The following MED19 variants were observed in gnomAD, a reference collection of about 807,000 sequenced individuals.
MED19 encodes the protein mediator of RNA polymerase II transcription subunit 19.
A neutral mutation model predicts 19.9 loss-of-function variants in MED19; 4 were observed. The observed-to-expected ratio is 0.20, with a 90% CI of 0.10 to 0.46. The LOEUF (loss-of-function observed/expected upper bound fraction) is 0.46, where lower values mean the gene tolerates loss of function less well. MED19 is among the 20% of genes least tolerant of loss of function. The pLI is 0.99. For missense variants in MED19, 303 were observed against 318.7 expected (o/e 0.95, Z 0.38); for synonymous variants, 139 against 119.6 (o/e 1.16, Z -1.06).
intron 1 of MED19, among the ~76,000 whole-genome samples, chr11:57,706,606 A>G (rs1245361648): frequency 1.3e-5 from 2 of 151,770 alleles, no homozygotes; most frequent in Admixed American, 1.3e-4. Flanking sequence ...CCCTGTCTCT[A>G]CTAAAAATAC....
intron 1 of MED19, among the ~76,000 whole-genome samples, chr11:57,708,992 T>C (rs1043479320): frequency 6.6e-6 from 1 of 152,246 alleles, no homozygotes; most frequent in Non-Finnish European, 1.5e-5. Flanking sequence ...TATTAAATAC[T>C]GCATGTAAGT....
At chr11:57,710,585 C>G (rs1479529217) in intron 1 of MED19, among the ~76,000 whole-genome samples, 1 of 152,208 alleles carries the variant, frequency 6.6e-6, no homozygotes, top group African/African-American at 2.4e-5. Context: ...ACAATTGTCT[C>G]TCCCTCCTGT....
chr11:57,703,951 C>T lies in MED19; in HGVS notation c.*87G>A. The stretch of plus-strand genomic sequence containing the variant: ...TCCCAGCTGCAGGATGCTCCCAAGG[C>T]AGTGTCCAAGAGCCTGGAAGGCAGC... On this transcript the variant is annotated 3_prime_UTR_variant, in exon 5 of 5. Coordinates refer to ENST00000431606, the Ensembl canonical transcript of MED19. 5 of 1,506,138 alleles carry T rather than the reference C, an allele frequency of 3.3e-6. 1 individual carries two copies. In the South Asian group the frequency reaches 6.4e-5, roughly 19 times the overall value. The allele number at this position is 1,506,138 out of a possible 1,614,324, so 93.3% of individuals were successfully genotyped here.
exon 3 of MED19, chr11:57,704,748 T>A: frequency 6.2e-7 from 1 of 1,603,682 alleles, no homozygotes; most frequent in Non-Finnish European, 8.5e-7. Flanking sequence ...GGTACGGCTC[T>A]GTTTGTGCTT....
intron 1 of MED19, 112 bp downstream of exon 1, chr11:57,711,851 C>G: frequency 8.3e-7 from 1 of 1,197,666 alleles, no homozygotes; most frequent in Non-Finnish European, 1.1e-6. Context: ...CTCCACAGTC[C>G]GGGTATGCGT....
At chr11:57,706,342 C>T (rs1476476556) in intron 1 of MED19, among the ~76,000 whole-genome samples, 1 of 152,050 alleles carries the variant, frequency 6.6e-6, no homozygotes, top group Admixed American at 6.6e-5. Context: ...AGGGGGTTCA[C>T]CATGTTGAGT....
At chr11:57,705,944 C>T (rs1421736493) in intron 1 of MED19, among the ~76,000 whole-genome samples, 1 of 151,646 alleles carries the variant, frequency 6.6e-6, no homozygotes, top group Non-Finnish European at 1.5e-5. Flanking sequence ...CAGCTACAAC[C>T]ATGCTCAGGG....
chr11:57,703,884 A>AT, exon 5 of MED19: 1 of 1,205,670 alleles, frequency 8.3e-7, no homozygotes, highest in Non-Finnish European at 1.1e-6. Flanking sequence ...CTCTCTCCTA[A>AT]TTTACTTAGT....
At chr11:57,705,531 G>A (rs1218388577) in intron 1 of MED19, among the ~76,000 whole-genome samples, 1 of 151,840 alleles carries the variant, frequency 6.6e-6, no homozygotes, top group Non-Finnish European at 1.5e-5. Flanking sequence ...GCACGTGCCT[G>A]TAGTCCCAAC....
chr11:57,711,964 T>G (rs777609685), exon 1 of MED19: 3 of 1,454,214 alleles, frequency 2.1e-6, no homozygotes, highest in African/African-American at 1.5e-5. Flanking sequence ...AGTACTCACC[T>G]GGCAGTTCCC....
exon 2 of MED19, chr11:57,705,167 T>G: frequency 6.2e-7 from 1 of 1,614,168 alleles, no homozygotes; most frequent in Non-Finnish European, 8.5e-7. Context: ...CAGAATTTAT[T>G]ATAGGCTTGT....
Position 57,711,944 on chromosome 11 carries a change from G to A in MED19, c.217+19C>T. The A allele has an allele frequency of 7.1e-7, 1 of 1,408,370 alleles. No individual in the cohort carries two copies. Among genetic ancestry groups the A allele is most frequent in the Non-Finnish European group, 9.3e-7 (1 of 1,074,316 alleles). The allele number at this position is 1,408,370 out of a possible 1,614,324, so 87.2% of individuals were successfully genotyped here. ...CTCTAAGATTTGATTGGCTGGCTTTGGCAAGGCCGAGTACTCACCTGGCAG... is the reference window on the plus strand; with the variant it reads ...CTCTAAGATTTGATTGGCTGGCTTTAGCAAGGCCGAGTACTCACCTGGCAG... On this transcript the variant is annotated intron_variant, in intron 1 of 4. Transcript: ENST00000431606.
chr11:57,704,921 C>CTTTT (rs1946489793), intron 2 of MED19, 52 bp downstream of exon 2: 1 of 1,603,508 alleles, frequency 6.2e-7, no homozygotes, highest in Non-Finnish European at 8.5e-7. Flanking sequence ...AGAGAAAAAC[C>CTTTT]ATCTCCATGT....
exon 1 of MED19, chr11:57,712,080 G>A (rs541012040): frequency 6.5e-7 from 1 of 1,530,692 alleles, no homozygotes; most frequent in East Asian, 2.5e-5. Context: ...CCCGCAGGAG[G>A]CGGTGGCGGG....
rs570300680 is a variant in MED19, at chr11:57,711,717, G to A, written c.217+246C>T. Among the ~76,000 whole-genome samples the A allele has an allele frequency of 6.6e-5, 10 of 152,258 alleles. No individual in the cohort carries two copies. In the East Asian group the frequency reaches 1.7e-3, roughly 27 times the overall value. Reference sequence around the variant, plus strand: ...GACACAGCCTGGACATGGTGCAAAAGACAGTAACGGAGATGCACTACGCCC... The same window carrying A: ...GACACAGCCTGGACATGGTGCAAAAAACAGTAACGGAGATGCACTACGCCC... On this transcript the variant is annotated intron_variant, in intron 1 of 4. Transcript: ENST00000431606.
At chr11:57,703,879 T>C (rs1946477241) in exon 5 of MED19, 1 of 1,143,886 alleles carries the variant, frequency 8.7e-7, no homozygotes, top group Non-Finnish European at 1.2e-6. Flanking sequence ...TCCCTCTCTC[T>C]CCTAATTTAC....
chr11:57,704,651 C>T lies in MED19; in HGVS notation c.571+68G>A. 2.6e-6 allele frequency: 4 copies of T among 1,536,504 alleles called. No homozygotes were observed. The South Asian group carries it at 3.5e-5, about 13-fold the overall frequency. On this transcript the variant is annotated intron_variant, in intron 3 of 4. Coordinates refer to ENST00000431606, the Ensembl canonical transcript of MED19. ...CTGGGTTTACCTATGGAAGTTCAAA[C>T]CAGATTCAGAAGGTCAGGTTTTTTT...
At chr11:57,712,129 G>A (rs759622321) in exon 1 of MED19, 2 of 1,530,232 alleles carry the variant, frequency 1.3e-6, no homozygotes, top group African/African-American at 1.4e-5. Context: ...GTGCGGTTGG[G>A]GGCGGTGGTG....
chr11:57,711,049 T>G (rs1946579471), intron 1 of MED19, among the ~76,000 whole-genome samples: 1 of 152,216 alleles, frequency 6.6e-6, no homozygotes, highest in Non-Finnish European at 1.5e-5. Context: ...GACATTATCT[T>G]GTTTACAATG....
Sources: allele counts gnomAD v4.1 joint callset (sites outside exome capture counted in the v4.1 genomes callset), GRCh38; gene constraint gnomAD v4.1.1; transcripts MANE v1.5; gene names NCBI Gene and HGNC (gene_info 2026-07-23, HGNC 2026-07-21).